SH3GL2: variants seen among roughly 807,000 people sequenced by gnomAD.
The protein encoded by SH3GL2 is SH3 domain containing GRB2 like 2, endophilin A1.
SH3GL2 carries 24 observed loss-of-function variants against 46.0 expected under a neutral mutation model. That is an observed-to-expected ratio of 0.52 (90% confidence interval 0.38 to 0.73). The LOEUF (loss-of-function observed/expected upper bound fraction) is 0.73. Among genes scored for constraint, SH3GL2 ranks in the 30% least tolerant of loss-of-function variants. The probability of loss-of-function intolerance (pLI) is 0.00; values close to 1 mark genes in which losing one functional copy is unlikely to be tolerated. For synonymous variants in SH3GL2, 196 were observed against 147.1 expected, an observed-to-expected ratio of 1.33 and a Z score of -2.40; for missense variants, 413 against 424.2, an observed-to-expected ratio of 0.97 and a Z score of 0.23.
intron 1 of SH3GL2, among the ~76,000 whole-genome samples, chr9:17,742,387 C>G (rs1588292714): frequency 6.6e-6 from 1 of 152,112 alleles, no homozygotes; most frequent in East Asian, 1.9e-4. Context: ...GCTGGTGGTC[C>G]TCTTTGACAT....
At chr9:17,769,109 A>G (rs183940063) in intron 3 of SH3GL2, among the ~76,000 whole-genome samples, 1 of 152,310 alleles carries the variant, frequency 6.6e-6, no homozygotes, top group African/African-American at 2.4e-5. Flanking sequence ...TAATTTGTGC[A>G]GCTTTCCTGA....
Position 17,677,303 on chromosome 9 carries a change from C to G in SH3GL2, c.46-69763C>G, listed in dbSNP as rs1431697957. On this transcript the variant is annotated intron_variant, in intron 1 of 8. Coordinates refer to ENST00000380607, the MANE Select transcript of SH3GL2 (RefSeq NM_003026.5). The stretch of plus-strand genomic sequence containing the variant: ...AATCTTGTTTGTGGCTTATCTTTGA[C>G]TTTTATACATACTACATAGATTGGA... Among the ~76,000 whole-genome samples the G allele has an allele frequency of 3.3e-5, 5 of 151,998 alleles. No individual in the cohort carries two copies. In the East Asian group the frequency reaches 9.6e-4, roughly 29 times the overall value.
chr9:17,689,152 C>G (rs1221621513), intron 1 of SH3GL2, among the ~76,000 whole-genome samples: 2 of 152,050 alleles, frequency 1.3e-5, no homozygotes, highest in African/African-American at 2.4e-5. Context: ...AAACTCCCAC[C>G]TCTAGTCTCA....
chr9:17,595,322 G>A (rs1472350358), intron 1 of SH3GL2, among the ~76,000 whole-genome samples: 1 of 152,206 alleles, frequency 6.6e-6, no homozygotes, highest in African/African-American at 2.4e-5. Flanking sequence ...ATGAAAGGCA[G>A]TATTTGAAAG....
intron 2 of SH3GL2, among the ~76,000 whole-genome samples, chr9:17,754,456 G>A (rs947877211): frequency 4.6e-5 from 7 of 152,188 alleles, no homozygotes; most frequent in Non-Finnish European, 1.0e-4. Flanking sequence ...GGCAGATCAT[G>A]AGGTCAGGAG....
chr9:17,739,952 C>A (rs529152311), intron 1 of SH3GL2, among the ~76,000 whole-genome samples: 3 of 152,114 alleles, frequency 2.0e-5, no homozygotes, highest in African/African-American at 7.2e-5. Flanking sequence ...TGGCAAGGAA[C>A]AAAATAGGCT....
At chr9:17,772,199 T>A (rs1427339232) in intron 3 of SH3GL2, among the ~76,000 whole-genome samples, 1 of 152,220 alleles carries the variant, frequency 6.6e-6, no homozygotes, top group African/African-American at 2.4e-5. Flanking sequence ...ATTACATAAA[T>A]TTTGTTGGAA....
At chr9:17,596,078 A>G (rs912978508) in intron 1 of SH3GL2, among the ~76,000 whole-genome samples, 2 of 152,196 alleles carry the variant, frequency 1.3e-5, no homozygotes, top group Non-Finnish European at 2.9e-5. Context: ...GAATAATTTT[A>G]GGAGCCATCA....
At chr9:17,595,999 A>G (rs1322862903) in intron 1 of SH3GL2, among the ~76,000 whole-genome samples, 1 of 152,072 alleles carries the variant, frequency 6.6e-6, no homozygotes. Flanking sequence ...CTATTACAAA[A>G]TTTTCTTTCC....
intron 1 of SH3GL2, among the ~76,000 whole-genome samples, chr9:17,626,061 T>G (rs922886512): frequency 6.6e-6 from 1 of 152,206 alleles, no homozygotes; most frequent in African/African-American, 2.4e-5. Flanking sequence ...GACTGTCTTG[T>G]GAGGCTGGGG....
chr9:17,667,096 A>G (rs1473955918), intron 1 of SH3GL2, among the ~76,000 whole-genome samples: 1 of 151,960 alleles, frequency 6.6e-6, no homozygotes, highest in Non-Finnish European at 1.5e-5. Flanking sequence ...CATGGTGTTT[A>G]TCTTGTCTTT....
At chr9:17,596,995 A>T (rs972182807) in intron 1 of SH3GL2, among the ~76,000 whole-genome samples, 1 of 152,174 alleles carries the variant, frequency 6.6e-6, no homozygotes, top group South Asian at 2.1e-4. Flanking sequence ...CCTCTGAGAT[A>T]AATAATTTCT....
intron 1 of SH3GL2, among the ~76,000 whole-genome samples, chr9:17,610,688 A>G (rs562162167): frequency 3.1e-4 from 47 of 152,130 alleles, no homozygotes; most frequent in African/African-American, 1.1e-3. Context: ...ACACAAAATT[A>G]TTAAGCAAAG....
At chr9:17,675,961 A>T (rs1356804992) in intron 1 of SH3GL2, among the ~76,000 whole-genome samples, 1 of 152,108 alleles carries the variant, frequency 6.6e-6, no homozygotes, top group East Asian at 1.9e-4. Flanking sequence ...ATAAAAAAAT[A>T]AAAAAAATGC....
intron 7 of SH3GL2, 37 bp from the exon 8 acceptor site, chr9:17,793,330 T>C (rs1466300951): frequency 6.3e-7 from 1 of 1,579,872 alleles, no homozygotes. Flanking sequence ...TCTTAACTGG[T>C]TACATAACCT....
intron 1 of SH3GL2, among the ~76,000 whole-genome samples, chr9:17,721,226 A>G (rs190856044): frequency 1.8e-4 from 28 of 152,196 alleles, no homozygotes; most frequent in African/African-American, 6.5e-4. Context: ...ATTAACATCG[A>G]AATGGCCACA....
chr9:17,768,992 A>G (rs1344878782), intron 3 of SH3GL2, among the ~76,000 whole-genome samples: 2 of 152,106 alleles, frequency 1.3e-5, no homozygotes, highest in Non-Finnish European at 2.9e-5. Context: ...CCTTCCTCAA[A>G]CACACAGGCA....
chr9:17,713,648 A>G (rs1383516206), intron 1 of SH3GL2, among the ~76,000 whole-genome samples: 4 of 151,602 alleles, frequency 2.6e-5, no homozygotes, highest in African/African-American at 9.7e-5. Flanking sequence ...CCAGTGGATT[A>G]TTTAGAAGTG....
rs547408347 is a variant in SH3GL2 at position 17,586,881 on chromosome 9, A to G, written c.45+7594A>G. Reference sequence around the variant, plus strand: ...CGTATCACAGAATAATGCTTGAAAGAAACATAAAGCAGATAGCCTATGCTT... The same window carrying G: ...CGTATCACAGAATAATGCTTGAAAGGAACATAAAGCAGATAGCCTATGCTT... On this transcript the variant is annotated intron_variant, in intron 1 of 8. Coordinates refer to ENST00000380607, the MANE Select transcript of SH3GL2 (RefSeq NM_003026.5). Among the ~76,000 whole-genome samples the G allele has an allele frequency of 5.3e-5, 8 of 152,328 alleles. No individual in the cohort carries two copies. The South Asian group carries it at 1.5e-3, about 28-fold the overall frequency.
Sources: gnomAD v4.1 joint callset for allele counts (sites outside exome capture counted in the v4.1 genomes callset) on GRCh38, gnomAD v4.1.1 for gene constraint, MANE v1.5 for transcripts, NCBI Gene and HGNC (gene_info 2026-07-23, HGNC 2026-07-21) for gene names.